Variants in POMT2 observed in about 807,000 individuals in gnomAD.
POMT2 encodes the protein protein O-mannosyl-transferase 2.
POMT2 carries 75 observed loss-of-function variants against 100.0 expected under a neutral mutation model. The ratio of observed to expected loss-of-function variants is 0.75; its 90% CI spans 0.62 to 0.91. The LOEUF (loss-of-function observed/expected upper bound fraction) is 0.91. POMT2 is among the 40% of genes least tolerant of loss of function. The pLI is 0.00. For missense variants in POMT2, 940 were observed against 955.1 expected, an observed-to-expected ratio of 0.98 and a Z score of 0.21; for synonymous variants, 378 against 374.1, an observed-to-expected ratio of 1.01 and a Z score of -0.12.
intron 13 of POMT2, 145 bp downstream of exon 13, chr14:77,285,336 C>T: frequency 1.8e-6 from 2 of 1,114,436 alleles, no homozygotes; most frequent in Non-Finnish European, 2.6e-6. Context: ...CATAATACAC[C>T]TGATATCTAC....
chr14:77,317,249 T>C (rs746693992), intron 1 of POMT2, among the ~76,000 whole-genome samples: 1 of 152,228 alleles, frequency 6.6e-6, no homozygotes, highest in Non-Finnish European at 1.5e-5. Flanking sequence ...GAGATTGACA[T>C]TAGGACTTTG....
intron 3 of POMT2, 110 bp from the exon 4 acceptor site, chr14:77,304,910 T>A (rs1161461344): frequency 6.6e-7 from 1 of 1,524,428 alleles, no homozygotes; most frequent in Non-Finnish European, 8.8e-7. Flanking sequence ...AAGGCATGAC[T>A]TTGGTGACCT....
chr14:77,296,953 A>G (rs1890853912), intron 8 of POMT2, among the ~76,000 whole-genome samples: 1 of 152,242 alleles, frequency 6.6e-6, no homozygotes, highest in Non-Finnish European at 1.5e-5. Flanking sequence ...TGGCCCTGGA[A>G]GAGCCCTGTC....
At chr14:77,302,044 T>C (rs554833786) in intron 5 of POMT2, among the ~76,000 whole-genome samples, 9 of 152,296 alleles carry the variant, frequency 5.9e-5, no homozygotes, top group Non-Finnish European at 1.0e-4. Context: ...GGATGTGGCA[T>C]AAGCACAACA....
In POMT2 at chr14:77,279,612, T is replaced by C. The variant is rs759634050; in HGVS notation, c.1891+211A>G. On this transcript the variant is annotated intron_variant, in intron 18 of 20. Coordinates refer to ENST00000261534, the MANE Select transcript of POMT2 (RefSeq NM_013382.7). ...CTAATCCATAAAATGGGGGTCATAA[T>C]AGCCAACGCTCTAGTGTTGTTGGGA... 2.5e-5 allele frequency: 17 copies of C among 684,836 alleles called. No individual in the cohort carries two copies. In the Middle Eastern group the frequency reaches 9.3e-4, roughly 38 times the overall value. The allele number at this position is 684,836 out of a possible 1,614,324, so 42.4% of individuals were successfully genotyped here. A position where few individuals can be genotyped will look rare whatever the true frequency, so the allele number is the denominator to read the frequency against.
chr14:77,300,888 C>G (rs1484609428), intron 6 of POMT2: 1 of 739,406 alleles, frequency 1.4e-6, no homozygotes, highest in East Asian at 2.8e-5. Flanking sequence ...TTAATCTATC[C>G]TCTCCCTTGA....
intron 11 of POMT2, chr14:77,287,540 C>T (rs61990295): frequency 3.3e-5 from 3 of 90,166 alleles, no homozygotes; most frequent in Non-Finnish European, 7.2e-5. Flanking sequence ...CTCTCTCTCT[C>T]TCTCTATATA....
At chr14:77,280,325 T>G in intron 16 of POMT2, 67 bp downstream of exon 16, 118 of 1,092,398 alleles carry the variant, frequency 1.1e-4, no homozygotes, top group Non-Finnish European at 1.5e-4. Flanking sequence ...CACCCCCGCC[T>G]CCACCGGTCT....
At chr14:77,288,726 G>A (rs374803680) in intron 11 of POMT2, 36 bp downstream of exon 11, 45 of 1,568,364 alleles carry the variant, frequency 2.9e-5, no homozygotes, top group Admixed American at 8.4e-5. Flanking sequence ...CTTGGTGCCC[G>A]TACCATTTAT....
At position 77,276,983 on chromosome 14, in the gene POMT2, T is replaced by C. The variant is rs1889984355; in HGVS notation, c.*393A>G. 5.3e-6 allele frequency: 1 copy of C among 187,196 alleles called. No homozygotes were observed. Among genetic ancestry groups the C allele is most frequent in the Admixed American group, 5.3e-5 (1 of 18,746 alleles). 11.6% of individuals were successfully genotyped at this position (187,196 alleles called of 1,614,324 possible). ...CAACAGAAAAAAATACCAGAAAATA[T>C]TACTATAGCCTGGACTATTTTAGAG... is the stretch of plus-strand genomic sequence containing the variant. On this transcript the variant is annotated 3_prime_UTR_variant, in exon 21 of 21. Coordinates refer to ENST00000261534, the MANE Select transcript of POMT2 (RefSeq NM_013382.7).
rs1890310415 is a variant in POMT2 at position 77,283,723 on chromosome 14, A to G, written c.1653+74T>C. The G allele has an allele frequency of 2.3e-5, 30 of 1,283,766 alleles. 1 individual carries two copies. In the South Asian group the frequency reaches 3.6e-4, roughly 15 times the overall value. 79.5% of individuals were successfully genotyped at this position (1,283,766 alleles called of 1,614,324 possible). On this transcript the variant is annotated intron_variant, in intron 15 of 20. Coordinates refer to ENST00000261534, the MANE Select transcript of POMT2 (RefSeq NM_013382.7). ...AGGGGGAATGGATCTGTAGCATGGC[A>G]TTGACTTGTGATCCAAATTCATGGC...
In POMT2 at chr14:77,278,738, T is replaced by C. The variant is rs2140161882; in HGVS notation, c.2023A>G (p.Met675Val). The C allele has an allele frequency of 6.2e-7, 1 of 1,613,868 alleles. No homozygotes were observed. The highest frequency in any genetic ancestry group is 8.5e-7 in the Non-Finnish European group (1 of 1,179,916). Reference sequence around the variant, plus strand: ...GGTGGGTGGCACTGACCTGTCAACATGCTTGAGAAGAGCATGGCTGGGAAG... The same window carrying C: ...GGTGGGTGGCACTGACCTGTCAACACGCTTGAGAAGAGCATGGCTGGGAAG... ...HYFPAMLFSS[M>V]LTGILWDTLL... The change falls in exon 19 of 21, where the codon ATG becomes GTG. Residue 675 changes from methionine (M) to valine (V), a missense_variant. Physicochemically the swap from Met to Val is conservative, Grantham distance 21 (BLOSUM62 1). Coordinates refer to ENST00000261534, the MANE Select transcript of POMT2 (RefSeq NM_013382.7).
In POMT2 at chr14:77,285,030, T is replaced by C; in HGVS notation, c.1496A>G (p.Gln499Arg). ...GKVLPKWGWE[Q>R]LEVTCTPYLK... ...GTATGGGGTGCAAGTAACTTCCAACTGCTCCCAGCCCCTGTGAAAAGCAGA... is the reference window on the plus strand; with the variant it reads ...GTATGGGGTGCAAGTAACTTCCAACCGCTCCCAGCCCCTGTGAAAAGCAGA... The change falls in exon 14 of 21, where the codon CAG (glutamine) becomes CGG (arginine). Residue 499 changes from glutamine to arginine, a missense_variant. By Grantham distance (43) the Gln-to-Arg change is conservative. Coordinates refer to ENST00000261534, the MANE Select transcript of POMT2 (RefSeq NM_013382.7). 6.2e-7 allele frequency: 1 copy of C among 1,612,100 alleles called. No individual in the cohort carries two copies. The highest frequency in any genetic ancestry group is 8.5e-7 in the Non-Finnish European group (1 of 1,178,172).
chr14:77,304,476 C>T (rs867542871), intron 4 of POMT2, among the ~76,000 whole-genome samples: 16 of 152,254 alleles, frequency 1.1e-4, no homozygotes, highest in Admixed American at 3.9e-4. Flanking sequence ...TTACCCACGC[C>T]GATTCTCCCC....
At chr14:77,280,225 A>G (rs1566644362) in intron 16 of POMT2, 145 bp from the exon 17 acceptor site, 2 of 1,561,870 alleles carry the variant, frequency 1.3e-6, no homozygotes, top group Non-Finnish European at 1.7e-6. Context: ...CTCTCTGGGA[A>G]GCAGGGTCAG....
At chr14:77,284,565 A>G (rs1465768513) in intron 14 of POMT2, among the ~76,000 whole-genome samples, 1 of 152,098 alleles carries the variant, frequency 6.6e-6, no homozygotes, top group African/African-American at 2.4e-5. Context: ...GTCACTTTCT[A>G]TAAAAGCATT....
At chr14:77,280,147 G>T in intron 16 of POMT2, 67 bp from the exon 17 acceptor site, 5 of 1,611,620 alleles carry the variant, frequency 3.1e-6, no homozygotes, top group Non-Finnish European at 4.2e-6. Flanking sequence ...ATTAGGGGGA[G>T]GAAGATGGTC....
At chr14:77,300,862 G>A in intron 6 of POMT2, 9 of 545,182 alleles carry the variant, frequency 1.7e-5, no homozygotes, top group South Asian at 4.2e-5. Context: ...AATGCAAAAA[G>A]AGACTTCCAA....
At chr14:77,280,898 C>G (rs1890200802) in intron 15 of POMT2, among the ~76,000 whole-genome samples, 1 of 152,046 alleles carries the variant, frequency 6.6e-6, no homozygotes, top group Non-Finnish European at 1.5e-5. Flanking sequence ...TCAAGACCAG[C>G]CTGGCCAACA....
Sources: allele counts gnomAD v4.1 joint callset (sites outside exome capture counted in the v4.1 genomes callset), GRCh38; gene constraint gnomAD v4.1.1; transcripts MANE v1.5; gene names NCBI Gene and HGNC (gene_info 2026-07-23, HGNC 2026-07-21).